Variants in TMOD3 observed in about 807,000 individuals in gnomAD.
TMOD3 encodes the protein tropomodulin-3.
Under a neutral mutation model 39.2 loss-of-function variants are expected in TMOD3, and 20 were observed. The ratio of observed to expected loss-of-function variants is 0.51; its 90% CI spans 0.36 to 0.74. TMOD3 has a LOEUF of 0.74. Among genes scored for constraint, TMOD3 ranks in the 30% least tolerant of loss-of-function variants. The pLI, the probability that TMOD3 is intolerant of heterozygous loss-of-function variation, is 0.00. For missense variants in TMOD3, 381 were observed against 412.8 expected (o/e 0.92, Z 0.67); for synonymous variants, 143 against 145.8 (o/e 0.98, Z 0.14).
At chr15:51,841,671 G>C (rs1482920570) in intron 1 of TMOD3, among the ~76,000 whole-genome samples, 1 of 152,104 alleles carries the variant, frequency 6.6e-6, no homozygotes, top group Admixed American at 6.5e-5. Context: ...TTTTCTTTCT[G>C]CCTCCACCCA....
intron 4 of TMOD3, among the ~76,000 whole-genome samples, chr15:51,887,974 GTCTT>G (rs1344832359): frequency 1.3e-5 from 2 of 152,166 alleles, no homozygotes; most frequent in Non-Finnish European, 2.9e-5. Context: ...ATATTTGAAA[GTCTT>G]TCTAAAAATC....
chr15:51,839,163 C>CTTTTTTTT lies in TMOD3; in HGVS notation c.-75+9328_-75+9329insTTTTTTTT, dbSNP rs111813783. Reference sequence around the variant, plus strand: ...TGACAGCTAAGAAATAGGTGTATCTCTCTTTTTTTTTTTTTCCATTTTGTT... The same window carrying CTTTTTTTT: ...TGACAGCTAAGAAATAGGTGTATCTCTTTTTTTTTCTTTTTTTTTTTTTCCATTTTGTT... On this transcript the variant is annotated intron_variant, in intron 1 of 9. Transcript: ENST00000308580. Among the ~76,000 whole-genome samples, 43 of 109,826 alleles carry CTTTTTTTT rather than the reference C, an allele frequency of 3.9e-4. 6 individuals are homozygous for CTTTTTTTT. The highest frequency in any genetic ancestry group is 6.0e-4 in the Non-Finnish European group (30 of 49,762). The allele number at this position is 109,826 out of a possible 152,430, so 72.1% of individuals were successfully genotyped here. A position where few individuals can be genotyped will look rare whatever the true frequency, so the allele number is the denominator to read the frequency against.
chr15:51,838,239 C>T (rs1293401586), intron 1 of TMOD3, among the ~76,000 whole-genome samples: 1 of 152,128 alleles, frequency 6.6e-6, no homozygotes, highest in African/African-American at 2.4e-5. Context: ...AATTCTGTCC[C>T]TCCCTGACCA....
At chr15:51,874,744 T>A (rs2141692490) in intron 3 of TMOD3, among the ~76,000 whole-genome samples, 1 of 152,316 alleles carries the variant, frequency 6.6e-6, no homozygotes, top group South Asian at 2.1e-4. Context: ...GCTCCGCCCT[T>A]ACCTAGACTA....
intron 1 of TMOD3, chr15:51,860,179 C>A: frequency 2.1e-6 from 1 of 470,576 alleles, no homozygotes; most frequent in South Asian, 1.7e-5. Flanking sequence ...GTGAGAAGAT[C>A]ATCTGTGTGT....
Position 51,913,823 on chromosome 15 carries a change from CGT to C in TMOD3, c.*5014_*5015del. 1 of 151,850 alleles carries C rather than the reference CGT, an allele frequency of 6.6e-6. No individual in the cohort carries two copies. The highest frequency in any genetic ancestry group is 2.4e-5 in the African/African-American group (1 of 41,306). 9.4% of individuals were successfully genotyped at this position (151,850 alleles called of 1,614,324 possible). On this transcript the variant is annotated 3_prime_UTR_variant, in exon 10 of 10. Coordinates refer to ENST00000308580, the MANE Select transcript of TMOD3 (RefSeq NM_014547.5). The stretch of plus-strand genomic sequence containing the variant: ...AGCTCAGGAGTTTGAGACCAACCTG[CGT>C]AACATGGTGAAACCCCATATCTACA...
chr15:51,880,262 T>G (rs978160762), intron 3 of TMOD3, among the ~76,000 whole-genome samples: 1 of 152,186 alleles, frequency 6.6e-6, no homozygotes, highest in South Asian at 2.1e-4. Flanking sequence ...ATAAATTTAC[T>G]GAAGACCAAA....
intron 1 of TMOD3, chr15:51,858,483 C>G (rs2056399362): frequency 6.7e-6 from 1 of 150,012 alleles, no homozygotes; most frequent in African/African-American, 2.5e-5. Context: ...GCCAATAAAA[C>G]AGGTATACAC....
rs2056697520 is a variant in TMOD3 at position 51,909,100 on chromosome 15, T to C, written c.*290T>C. 3.7e-6 allele frequency: 1 copy of C among 270,712 alleles called. No individual in the cohort carries two copies. Among genetic ancestry groups the C allele is most frequent in the South Asian group, 1.3e-4 (1 of 7,960 alleles). The allele number at this position is 270,712 out of a possible 1,614,324, so 16.8% of individuals were successfully genotyped here. A position where few individuals can be genotyped will look rare whatever the true frequency, so the allele number is the denominator to read the frequency against. On this transcript the variant is annotated 3_prime_UTR_variant, in exon 10 of 10. Transcript: ENST00000308580. ...TGTAAAAAATTTCACAGGTCATTTG[T>C]GTAGAATAATTTGAACATTGTGAGG...
chr15:51,872,431 C>T (rs987927119), intron 3 of TMOD3, among the ~76,000 whole-genome samples: 6 of 152,018 alleles, frequency 3.9e-5, no homozygotes, highest in Non-Finnish European at 8.8e-5. Flanking sequence ...ACTGAAGGCC[C>T]TATCATGCTC....
intron 3 of TMOD3, among the ~76,000 whole-genome samples, chr15:51,876,146 C>G (rs531946180): frequency 6.6e-6 from 1 of 151,984 alleles, no homozygotes; most frequent in African/African-American, 2.4e-5. Flanking sequence ...TTTGTCCTGT[C>G]TGTTCTTTGA....
intron 1 of TMOD3, chr15:51,835,128 A>C (rs989491182): frequency 2.0e-5 from 3 of 152,184 alleles, no homozygotes; most frequent in Admixed American, 2.0e-4. Context: ...TTTAGAAGCA[A>C]TTGCATCTTC....
chr15:51,889,667 C>T (rs796464517), intron 5 of TMOD3, among the ~76,000 whole-genome samples: 45 of 152,022 alleles, frequency 3.0e-4, no homozygotes, highest in African/African-American at 1.1e-3. Flanking sequence ...TCCAGGAGTT[C>T]AGGACCAGCA....
At chr15:51,878,487 CAT>C (rs1261955602) in intron 3 of TMOD3, among the ~76,000 whole-genome samples, 2 of 151,908 alleles carry the variant, frequency 1.3e-5, no homozygotes, top group Non-Finnish European at 2.9e-5. Flanking sequence ...CCCATCTTGA[CAT>C]AGGAACCTCC....
chr15:51,844,786 G>A (rs1009516519), intron 1 of TMOD3, among the ~76,000 whole-genome samples: 2 of 152,178 alleles, frequency 1.3e-5, no homozygotes, highest in African/African-American at 4.8e-5. Context: ...GGAAATCAAT[G>A]TGAAAATAGA....
At chr15:51,895,525 T>C (rs576359767) in intron 6 of TMOD3, among the ~76,000 whole-genome samples, 23 of 152,222 alleles carry the variant, frequency 1.5e-4, no homozygotes, top group African/African-American at 5.5e-4. Context: ...CGGCCTATTT[T>C]TATTTTTTTT....
At chr15:51,866,014 A>AT (rs1187609645) in intron 2 of TMOD3, among the ~76,000 whole-genome samples, 1 of 152,166 alleles carries the variant, frequency 6.6e-6, no homozygotes, top group East Asian at 1.9e-4. Context: ...GAAACGTGTC[A>AT]TTTTTAGTGA....
chr15:51,896,079 A>G (rs946302851), intron 6 of TMOD3, among the ~76,000 whole-genome samples: 9 of 152,174 alleles, frequency 5.9e-5, no homozygotes, highest in African/African-American at 2.2e-4. Context: ...TTGCACTCCA[A>G]CCTGGGCAAC....
At chr15:51,842,485 G>A (rs1170452270) in intron 1 of TMOD3, among the ~76,000 whole-genome samples, 1 of 152,264 alleles carries the variant, frequency 6.6e-6, no homozygotes, top group East Asian at 1.9e-4. Context: ...ATTGCTTATG[G>A]TGGGTTGTGT....
Sources: allele counts gnomAD v4.1 joint callset (sites outside exome capture counted in the v4.1 genomes callset), GRCh38; gene constraint gnomAD v4.1.1; transcripts MANE v1.5; gene names NCBI Gene and HGNC (gene_info 2026-07-23, HGNC 2026-07-21).